The following PRKCA variants were observed in gnomAD, a reference collection of about 807,000 sequenced individuals.
PRKCA encodes the protein protein kinase C alpha type.
In PRKCA, 27 loss-of-function variants were observed where a neutral mutation model predicts 87.0. The observed-to-expected ratio is 0.31, with a 90% CI of 0.23 to 0.43. The LOEUF (loss-of-function observed/expected upper bound fraction) is 0.43, where lower values mean the gene tolerates loss of function less well. Ranked by LOEUF, PRKCA falls within the 20% of genes least tolerant of loss-of-function variation. The pLI, the probability that PRKCA is intolerant of heterozygous loss-of-function variation, is 1.00. For missense variants in PRKCA, 518 were observed against 852.3 expected (o/e 0.61, Z 4.88); for synonymous variants, 329 against 311.1 (o/e 1.06, Z -0.61).
chr17:66,592,363 T>TAAAAAAAAAAA (rs1969837014), intron 3 of PRKCA, among the ~76,000 whole-genome samples: 1 of 85,132 alleles, frequency 1.2e-5, no homozygotes, highest in African/African-American at 6.1e-5. Flanking sequence ...AAAAAAAAAG[T>TAAAAAAAAAAA]TACCATTGGC....
chr17:66,482,950 C>T (rs180997640), intron 2 of PRKCA, among the ~76,000 whole-genome samples: 11 of 152,186 alleles, frequency 7.2e-5, no homozygotes, highest in African/African-American at 2.6e-4. Flanking sequence ...TATTTCTCCC[C>T]GTGGAAGTAT....
At chr17:66,707,803 C>A (rs1973227220) in intron 8 of PRKCA, among the ~76,000 whole-genome samples, 1 of 152,154 alleles carries the variant, frequency 6.6e-6, no homozygotes, top group African/African-American at 2.4e-5. Context: ...ACCCTGTCTC[C>A]TAAACAGTAG....
At chr17:66,751,350 A>T (rs745879215) in intron 13 of PRKCA, among the ~76,000 whole-genome samples, 2 of 152,224 alleles carry the variant, frequency 1.3e-5, no homozygotes, top group Non-Finnish European at 2.9e-5. Context: ...CAGATGGCAC[A>T]TGGCAGGGGC....
chr17:66,487,494 G>A (rs1374274731), intron 2 of PRKCA, among the ~76,000 whole-genome samples: 1 of 152,206 alleles, frequency 6.6e-6, no homozygotes, highest in Non-Finnish European at 1.5e-5. Context: ...GATTACAGAT[G>A]TCTCATCGGT....
At chr17:66,617,032 T>C (rs897176095) in intron 3 of PRKCA, among the ~76,000 whole-genome samples, 1 of 151,946 alleles carries the variant, frequency 6.6e-6, no homozygotes, top group Non-Finnish European at 1.5e-5. Flanking sequence ...TAATTCTGAT[T>C]AACACAGAAC....
chr17:66,348,416 T>C (rs1259721475), intron 2 of PRKCA, among the ~76,000 whole-genome samples: 3 of 152,184 alleles, frequency 2.0e-5, no homozygotes, highest in Non-Finnish European at 4.4e-5. Flanking sequence ...CCATTGCTCT[T>C]GCACCATCAG....
At chr17:66,423,183 G>T (rs1323943865) in intron 2 of PRKCA, among the ~76,000 whole-genome samples, 1 of 152,136 alleles carries the variant, frequency 6.6e-6, no homozygotes, top group East Asian at 1.9e-4. Flanking sequence ...AAAGCGTTGG[G>T]GATTGATAGT....
chr17:66,417,064 A>C (rs1279375223), intron 2 of PRKCA, among the ~76,000 whole-genome samples: 1 of 151,918 alleles, frequency 6.6e-6, no homozygotes, highest in African/African-American at 2.4e-5. Context: ...ACGCCCAGCT[A>C]ATTTTTGTAT....
intron 3 of PRKCA, among the ~76,000 whole-genome samples, chr17:66,587,268 C>A (rs892025003): frequency 3.9e-5 from 6 of 152,186 alleles, no homozygotes; most frequent in Non-Finnish European, 7.3e-5. Flanking sequence ...CCTTCTCCTT[C>A]CAAGGTATCC....
chr17:66,424,859 C>G (rs952346447), intron 2 of PRKCA, among the ~76,000 whole-genome samples: 4 of 151,780 alleles, frequency 2.6e-5, no homozygotes, highest in Non-Finnish European at 5.9e-5. Context: ...AAGCGATTCT[C>G]CCGCCTCAGC....
At chr17:66,739,683 T>G (rs1408789407) in intron 11 of PRKCA, among the ~76,000 whole-genome samples, 1 of 150,840 alleles carries the variant, frequency 6.6e-6, no homozygotes, top group Non-Finnish European at 1.5e-5. Context: ...GGAAGAGATG[T>G]GAACAGAGGC....
chr17:66,731,599 C>A (rs1205711555), intron 8 of PRKCA, among the ~76,000 whole-genome samples: 9 of 151,930 alleles, frequency 5.9e-5, no homozygotes. Flanking sequence ...GGTTTACTGA[C>A]CTTCCTTTTT....
At chr17:66,472,599 C>A (rs1458554178) in intron 2 of PRKCA, among the ~76,000 whole-genome samples, 1 of 152,178 alleles carries the variant, frequency 6.6e-6, no homozygotes, top group Non-Finnish European at 1.5e-5. Context: ...AGTGAAGAGT[C>A]AGCAGAGTTG....
chr17:66,406,167 A>G (rs982593724), intron 2 of PRKCA, among the ~76,000 whole-genome samples: 1 of 152,122 alleles, frequency 6.6e-6, no homozygotes, highest in Non-Finnish European at 1.5e-5. Context: ...AGACGGGATA[A>G]CAGAAATTTG....
At chr17:66,494,076 G>A (rs966498921) in intron 2 of PRKCA, among the ~76,000 whole-genome samples, 1 of 152,088 alleles carries the variant, frequency 6.6e-6, no homozygotes, top group African/African-American at 2.4e-5. Flanking sequence ...TCAGTACTCT[G>A]GGCTCCTCTT....
chr17:66,731,916 C>T (rs1209742995), intron 8 of PRKCA, among the ~76,000 whole-genome samples: 1 of 150,316 alleles, frequency 6.7e-6, no homozygotes, highest in African/African-American at 2.4e-5. Flanking sequence ...CAGCCTCCCA[C>T]GTAGCTGGGA....
intron 5 of PRKCA, among the ~76,000 whole-genome samples, chr17:66,645,723 CCCAAATACT>C (rs1343808452): frequency 6.6e-6 from 1 of 152,164 alleles, no homozygotes; most frequent in Non-Finnish European, 1.5e-5. Context: ...CACCCAAATT[CCCAAATACT>C]CAATGTCACA....
rs1022997722 is a variant in PRKCA at position 66,585,389 on chromosome 17, G to A, written c.289-55966G>A. ...GCTTGCTTATCTATGTCTGCAGCTC[G>A]ATTTTACAGGCTGCTCTGCTAGAAA... is the stretch of plus-strand genomic sequence containing the variant. On this transcript the variant is annotated intron_variant, in intron 3 of 16. Coordinates refer to ENST00000413366, the MANE Select transcript of PRKCA (RefSeq NM_002737.3). Among the ~76,000 whole-genome samples the A allele has an allele frequency of 2.0e-5, 3 of 152,174 alleles. No homozygotes were observed. In the South Asian group the frequency reaches 6.2e-4, roughly 32 times the overall value.
chr17:66,729,697 T>A (rs1973837273), intron 8 of PRKCA, among the ~76,000 whole-genome samples: 1 of 152,116 alleles, frequency 6.6e-6, no homozygotes, highest in Non-Finnish European at 1.5e-5. Context: ...CATGTTTTAA[T>A]GTCTCTGGTC....
Sources: allele counts gnomAD v4.1 joint callset (sites outside exome capture counted in the v4.1 genomes callset), GRCh38; gene constraint gnomAD v4.1.1; transcripts MANE v1.5; gene names NCBI Gene and HGNC (gene_info 2026-07-23, HGNC 2026-07-21).